BCL7C: variants seen among roughly 807,000 people sequenced by gnomAD.
BCL7C encodes the protein B-cell CLL/lymphoma 7 protein family member C.
Under a neutral mutation model 26.2 loss-of-function variants are expected in BCL7C, and 8 were observed. The ratio of observed to expected loss-of-function variants is 0.30; its 90% confidence interval spans 0.18 to 0.55. The LOEUF (loss-of-function observed/expected upper bound fraction) is 0.55. BCL7C is among the 20% of genes least tolerant of loss of function. BCL7C has a pLI of 0.93. For synonymous variants in BCL7C, 90 were observed against 116.5 expected (o/e 0.77, Z 1.47); for missense variants, 262 against 298.5 (o/e 0.88, Z 0.90).
Position 30,871,131 on chromosome 16 carries a change from G to C in BCL7C, c.528+17729C>G, listed in dbSNP as rs530512181. On this transcript the variant is annotated intron_variant, in intron 5 of 5. Transcript: ENST00000380317. ...GTCCTGAGTGGGAGATCCAGGTCTTGGGGTGCTCCGACTCTGGATCTCTGG... is the reference window on the plus strand; with the variant it reads ...GTCCTGAGTGGGAGATCCAGGTCTTCGGGTGCTCCGACTCTGGATCTCTGG... 3.9e-5 allele frequency among the ~76,000 whole-genome samples: 6 copies of C among 152,268 alleles called. No individual in the cohort carries two copies. In the South Asian group the frequency reaches 1.2e-3, roughly 31 times the overall value.
intron 4 of BCL7C, among the ~76,000 whole-genome samples, chr16:30,892,258 G>A (rs868152095): frequency 4.2e-4 from 46 of 109,486 alleles, no homozygotes; most frequent in African/African-American, 1.5e-3. Flanking sequence ...GTGACAGAGC[G>A]AGACCCTTTC....
At position 30,872,907 on chromosome 16, in the gene BCL7C, G is replaced by C. The variant is rs192775146; in HGVS notation, c.528+15953C>G. Among the ~76,000 whole-genome samples the C allele has an allele frequency of 5.5e-4, 84 of 152,342 alleles. 1 individual carries two copies. The highest frequency in any genetic ancestry group is 2.0e-3 in the African/African-American group (82 of 41,584). On this transcript the variant is annotated intron_variant, in intron 5 of 5. Transcript: ENST00000380317. ...TCAGGAAAATGCAATGAAAGAATAA[G>C]GTGAGGGTGGTTTTCAAATGATGAC... is the stretch of plus-strand genomic sequence containing the variant.
At chr16:30,879,702 A>AAAAAAAAAAAAAAAAC (rs751856538) in intron 5 of BCL7C, among the ~76,000 whole-genome samples, 4 of 145,364 alleles carry the variant, frequency 2.8e-5, no homozygotes, top group Non-Finnish European at 6.1e-5. Context: ...AAAAAAAAAA[A>AAAAAAAAAAAAAAAAC]AAAAAAACTG....
chr16:30,874,307 A>T (rs371743054), intron 5 of BCL7C, among the ~76,000 whole-genome samples: 3 of 152,062 alleles, frequency 2.0e-5, no homozygotes, highest in Non-Finnish European at 4.4e-5. Flanking sequence ...AAATTCAATT[A>T]TTAAACTCCT....
chr16:30,883,797 G>A (rs1222502811), downstream of BCL7C, among the ~76,000 whole-genome samples: 2 of 148,362 alleles, frequency 1.3e-5, no homozygotes, highest in Non-Finnish European at 3.0e-5. Context: ...GATTACAGGT[G>A]TGAGCCACCA....
chr16:30,892,507 A>C, intron 4 of BCL7C, 79 bp downstream of exon 4: 1 of 1,425,106 alleles, frequency 7.0e-7, no homozygotes, highest in Non-Finnish European at 9.4e-7. Context: ...GGGAGCAGGT[A>C]TAGGGATGAG....
intron 5 of BCL7C, among the ~76,000 whole-genome samples, chr16:30,866,446 A>C (rs1033063218): frequency 1.3e-5 from 2 of 151,936 alleles, no homozygotes. Flanking sequence ...GCGTGGTGGC[A>C]CGCACCTGTA....
intron 4 of BCL7C, among the ~76,000 whole-genome samples, chr16:30,891,323 A>G (rs1022349733): frequency 6.6e-6 from 1 of 151,922 alleles, no homozygotes; most frequent in Non-Finnish European, 1.5e-5. Flanking sequence ...CCAGCCGAGC[A>G]TGGTGGTTCA....
chr16:30,868,881 G>T (rs894785381), intron 5 of BCL7C, among the ~76,000 whole-genome samples: 1 of 151,666 alleles, frequency 6.6e-6, no homozygotes, highest in African/African-American at 2.4e-5. Context: ...AAAAAAAATT[G>T]GCCTGTTATG....
intron 5 of BCL7C, among the ~76,000 whole-genome samples, chr16:30,845,657 C>G (rs1170742287): frequency 6.6e-6 from 1 of 152,070 alleles, no homozygotes; most frequent in Non-Finnish European, 1.5e-5. Flanking sequence ...GATACTGTAT[C>G]TCAGCCCCGG....
intron 5 of BCL7C, chr16:30,851,459 C>T (rs1205281793): frequency 2.0e-5 from 4 of 202,870 alleles, no homozygotes; most frequent in Admixed American, 5.4e-5. Flanking sequence ...AGGCTGTTCT[C>T]GAACTCCTGA....
chr16:30,862,654 A>G (rs1009853595), intron 5 of BCL7C, among the ~76,000 whole-genome samples: 1 of 152,050 alleles, frequency 6.6e-6, no homozygotes, highest in African/African-American at 2.4e-5. Context: ...TCTTGGCATA[A>G]TTCTTCATAA....
In BCL7C at chr16:30,893,966, G is replaced by A. The variant is rs1406702631; in HGVS notation, c.-22C>T. 1.5e-5 allele frequency: 20 copies of A among 1,316,398 alleles called. No individual in the cohort carries two copies. The highest frequency in any genetic ancestry group is 1.9e-5 in the Non-Finnish European group (20 of 1,026,720). 81.5% of individuals were successfully genotyped at this position (1,316,398 alleles called of 1,614,324 possible). A position where few individuals can be genotyped will look rare whatever the true frequency, so the allele number is the denominator to read the frequency against. The stretch of plus-strand genomic sequence containing the variant: ...CCATGCTGGCGGGGCTGGGGCCGGG[G>A]CCGAGCCCGCGGCGGGGCCGCCTCC... On this transcript the variant is annotated 5_prime_UTR_variant, in exon 1 of 6. Transcript: ENST00000215115. The surrounding 1 kb of genome is among the most constrained non-coding windows in gnomAD (Gnocchi z 5.2).
intron 5 of BCL7C, among the ~76,000 whole-genome samples, chr16:30,863,598 A>G (rs1425918149): frequency 6.6e-6 from 1 of 152,236 alleles, no homozygotes; most frequent in Non-Finnish European, 1.5e-5. Flanking sequence ...CTAAAGAAGC[A>G]GCTAGTGTTC....
chr16:30,839,897 A>ATTTG (rs2054591660), intron 5 of BCL7C, among the ~76,000 whole-genome samples: 1 of 152,182 alleles, frequency 6.6e-6, no homozygotes, highest in Non-Finnish European at 1.5e-5. Context: ...AACAAATATT[A>ATTTG]TTTGTTTCAT....
chr16:30,870,276 T>G (rs1055358540), intron 5 of BCL7C, among the ~76,000 whole-genome samples: 1 of 152,178 alleles, frequency 6.6e-6, no homozygotes, highest in African/African-American at 2.4e-5. Flanking sequence ...GAGTGAGACT[T>G]CTTTTTTATA....
At chr16:30,838,717 G>A (rs1479517572) in intron 5 of BCL7C, among the ~76,000 whole-genome samples, 2 of 152,176 alleles carry the variant, frequency 1.3e-5, no homozygotes, top group African/African-American at 2.4e-5. Context: ...CCCAGGAGGC[G>A]GAGGTTGCAG....
chr16:30,884,001 T>C (rs1415463744), downstream of BCL7C, among the ~76,000 whole-genome samples: 3 of 151,310 alleles, frequency 2.0e-5, no homozygotes, highest in African/African-American at 7.3e-5. Context: ...GGTGGGTGTC[T>C]GTAGTCCCAG....
chr16:30,890,162 G>T (rs1026694796), intron 4 of BCL7C, among the ~76,000 whole-genome samples: 1 of 151,890 alleles, frequency 6.6e-6, no homozygotes, highest in African/African-American at 2.4e-5. Context: ...TTGGGAGGCC[G>T]AGGCAGGTGG....
Sources: gnomAD v4.1 joint callset for allele counts (sites outside exome capture counted in the v4.1 genomes callset) on GRCh38, gnomAD v4.1.1 for gene constraint, Gnocchi (gnomAD v3.1) non-coding constraint, MANE v1.5 for transcripts, NCBI Gene and HGNC (gene_info 2026-07-23, HGNC 2026-07-21) for gene names.